The following AGBL4 variants were observed in gnomAD, a reference collection of about 807,000 sequenced individuals.
The protein encoded by AGBL4 is cytosolic carboxypeptidase 6.
A neutral mutation model predicts 66.4 loss-of-function variants in AGBL4; 58 were observed. The observed-to-expected ratio is 0.87, with a 90% confidence interval of 0.71 to 1.09. AGBL4 has a LOEUF of 1.09. AGBL4 is among the 50% of genes least tolerant of loss of function. The pLI is 0.00. For synonymous variants in AGBL4, 234 were observed against 222.9 expected (o/e 1.05, Z -0.44); for missense variants, 579 against 631.0 (o/e 0.92, Z 0.88).
chr1:48,592,509 G>A (rs1312498397), intron 9 of AGBL4, among the ~76,000 whole-genome samples: 2 of 152,216 alleles, frequency 1.3e-5, no homozygotes, highest in Non-Finnish European at 2.9e-5. Flanking sequence ...ACTGCTCTGT[G>A]TGATATTAAA....
In AGBL4 at chr1:49,340,604, C is replaced by T. The variant is rs949082268; in HGVS notation, c.283-94740G>A. ...AAATTTCTCTCCTTTTCATACATAC[C>T]GCCATCAAAAATGTAAGGGCACTAG... On this transcript the variant is annotated intron_variant, in intron 3 of 13. Coordinates refer to ENST00000371839, the MANE Select transcript of AGBL4 (RefSeq NM_032785.4). Among the ~76,000 whole-genome samples the T allele has an allele frequency of 5.3e-5, 8 of 152,108 alleles. No homozygotes were observed. The South Asian group carries it at 6.2e-4, about 12-fold the overall frequency.
At chr1:49,657,786 G>T (rs527503826) in intron 3 of AGBL4, among the ~76,000 whole-genome samples, 4 of 152,240 alleles carry the variant, frequency 2.6e-5, no homozygotes, top group East Asian at 3.9e-4. Context: ...AAATGGTGCT[G>T]GGAAAACTGG....
chr1:49,931,920 T>C (rs1453654393), intron 1 of AGBL4, among the ~76,000 whole-genome samples: 2 of 152,078 alleles, frequency 1.3e-5, no homozygotes, highest in African/African-American at 4.8e-5. Context: ...GTATCCCTAA[T>C]CCAAAAATCC....
chr1:49,833,186 G>A (rs1276205647), intron 2 of AGBL4, among the ~76,000 whole-genome samples: 1 of 152,110 alleles, frequency 6.6e-6, no homozygotes, highest in Non-Finnish European at 1.5e-5. Flanking sequence ...TGTAAGGAAG[G>A]GATCCAATTT....
intron 3 of AGBL4, among the ~76,000 whole-genome samples, chr1:49,565,316 AT>A (rs1644166555): frequency 6.6e-6 from 1 of 152,134 alleles, no homozygotes; most frequent in African/African-American, 2.4e-5. Context: ...TAAGGTAAGA[AT>A]TGTTATGTGT....
At chr1:49,236,196 AT>A (rs1418291287) in intron 4 of AGBL4, among the ~76,000 whole-genome samples, 2 of 150,780 alleles carry the variant, frequency 1.3e-5, no homozygotes, top group East Asian at 2.0e-4. Context: ...TGCCTGGCTA[AT>A]TTTTTTTTGT....
chr1:48,540,643 T>G (rs900494760), intron 11 of AGBL4, among the ~76,000 whole-genome samples: 1 of 152,180 alleles, frequency 6.6e-6, no homozygotes, highest in Admixed American at 6.5e-5. Flanking sequence ...TTCAAAGCAC[T>G]TATCACTTAT....
intron 6 of AGBL4, among the ~76,000 whole-genome samples, chr1:48,670,570 GTTC>G (rs72405984): frequency 0.024 from 3,637 of 152,350 alleles, 154 homozygotes; most frequent in African/African-American, 0.084. Context: ...GCAGCACTGA[GTTC>G]TTCTCCCCAG....
At chr1:48,552,333 A>G (rs1317304617) in intron 11 of AGBL4, among the ~76,000 whole-genome samples, 1 of 152,160 alleles carries the variant, frequency 6.6e-6, no homozygotes, top group African/African-American at 2.4e-5. Flanking sequence ...AAGTGCTAGG[A>G]TTACAGGCAT....
chr1:48,523,345 A>G, the AGBL4 span, among the ~76,000 whole-genome samples: 1 of 152,144 alleles, frequency 6.6e-6, no homozygotes, highest in African/African-American at 2.4e-5. Flanking sequence ...TGCCTCTAGT[A>G]GGAACTCAGA....
intron 3 of AGBL4, among the ~76,000 whole-genome samples, chr1:49,312,207 G>T (rs1416881290): frequency 6.6e-6 from 1 of 151,990 alleles, no homozygotes; most frequent in Non-Finnish European, 1.5e-5. Context: ...TCCATGAATA[G>T]GATTAGTGCC....
chr1:49,742,851 T>G lies in AGBL4; in HGVS notation c.158-45414A>C, dbSNP rs571973431. On this transcript the variant is annotated intron_variant, in intron 2 of 13. Transcript: ENST00000371839. ...TGCTGGGAAAACTGGCTAGCCATATTTAGAAAGCTGAAACCGGATCCCTCT... is the reference window on the plus strand; with the variant it reads ...TGCTGGGAAAACTGGCTAGCCATATGTAGAAAGCTGAAACCGGATCCCTCT... Among the ~76,000 whole-genome samples, 113 of 152,108 alleles carry G rather than the reference T, an allele frequency of 7.4e-4. 1 individual carries two copies. Among genetic ancestry groups the G allele is most frequent in the African/African-American group, 2.6e-3 (106 of 41,526 alleles).
At chr1:48,598,183 A>G (rs1321790343) in intron 9 of AGBL4, among the ~76,000 whole-genome samples, 1 of 152,228 alleles carries the variant, frequency 6.6e-6, no homozygotes, top group Non-Finnish European at 1.5e-5. Flanking sequence ...GTAGAAAGAC[A>G]TTTTAACAGG....
At chr1:49,877,156 C>T (rs1392732360) in intron 1 of AGBL4, among the ~76,000 whole-genome samples, 2 of 151,474 alleles carry the variant, frequency 1.3e-5, no homozygotes, top group East Asian at 1.9e-4. Flanking sequence ...TTATTTCCGT[C>T]TCCTGTGTGA....
At chr1:48,828,825 T>A (rs1001999945) in intron 6 of AGBL4, among the ~76,000 whole-genome samples, 1 of 152,212 alleles carries the variant, frequency 6.6e-6, no homozygotes, top group Non-Finnish European at 1.5e-5. Context: ...AGTGACATTA[T>A]CATTATCATA....
chr1:49,380,483 G>T (rs1347782393), intron 3 of AGBL4, among the ~76,000 whole-genome samples: 2 of 151,860 alleles, frequency 1.3e-5, no homozygotes, highest in Non-Finnish European at 2.9e-5. Flanking sequence ...TCACAGAATT[G>T]GAAAAAACTA....
intron 6 of AGBL4, among the ~76,000 whole-genome samples, chr1:48,792,553 G>T (rs1392456878): frequency 2.0e-5 from 3 of 152,130 alleles, no homozygotes; most frequent in African/African-American, 4.8e-5. Flanking sequence ...TGTGAGCCTC[G>T]ATATTCATGG....
chr1:49,905,763 G>T (rs1024530380), intron 1 of AGBL4, among the ~76,000 whole-genome samples: 3 of 151,990 alleles, frequency 2.0e-5, no homozygotes, highest in Non-Finnish European at 1.5e-5. Flanking sequence ...CACTACAGTT[G>T]TAAGAATTAT....
intron 3 of AGBL4, among the ~76,000 whole-genome samples, chr1:49,520,718 C>T (rs917459850): frequency 9.2e-5 from 14 of 152,122 alleles, no homozygotes; most frequent in African/African-American, 3.1e-4. Flanking sequence ...ACACACAGCA[C>T]TCCTCTCCCT....
Sources: gnomAD v4.1 joint callset for allele counts (sites outside exome capture counted in the v4.1 genomes callset) on GRCh38, gnomAD v4.1.1 for gene constraint, MANE v1.5 for transcripts, NCBI Gene and HGNC (gene_info 2026-07-23, HGNC 2026-07-21) for gene names.